The following PFKFB3 variants were observed in gnomAD, a reference collection of about 807,000 sequenced individuals.
PFKFB3 encodes 6-phosphofructo-2-kinase/fructose-2,6-biphosphatase 3.
In PFKFB3, 33 loss-of-function variants were observed where a neutral mutation model predicts 68.0. The ratio of observed to expected loss-of-function variants is 0.49; its 90% CI spans 0.37 to 0.65. PFKFB3 has a LOEUF of 0.65. PFKFB3 is among the 30% of genes least tolerant of loss of function. The pLI is 0.00. For missense variants in PFKFB3, 586 were observed against 712.2 expected, an observed-to-expected ratio of 0.82 and a Z score of 2.02; for synonymous variants, 315 against 288.2, an observed-to-expected ratio of 1.09 and a Z score of -0.94.
chr10:6,298,359 A>G, the PFKFB3 span, among the ~76,000 whole-genome samples: 2 of 136,710 alleles, frequency 1.5e-5, no homozygotes, highest in Non-Finnish European at 3.1e-5. Context: ...CACTTATTCT[A>G]TGGTTCAGGG....
intron 1 of PFKFB3, among the ~76,000 whole-genome samples, chr10:6,185,064 C>G (rs955096862): frequency 3.9e-5 from 6 of 152,186 alleles, no homozygotes; most frequent in African/African-American, 1.4e-4. Flanking sequence ...CACAAAAACC[C>G]TGATTTAAAT....
chr10:6,233,096 C>T lies in PFKFB3; in HGVS notation c.*154C>T, dbSNP rs978619409. 3.7e-5 allele frequency: 24 copies of T among 651,016 alleles called. No individual in the cohort carries two copies. The highest frequency in any genetic ancestry group is 2.2e-4 in the East Asian group (8 of 37,056). 40.3% of individuals were successfully genotyped at this position (651,016 alleles called of 1,614,324 possible). Reference sequence around the variant, plus strand: ...GGCCGAAGAGAACCATGCTTGGCACCGTCTGTGTCCCCTCGGCCGCTGGAC... The same window carrying T: ...GGCCGAAGAGAACCATGCTTGGCACTGTCTGTGTCCCCTCGGCCGCTGGAC... On this transcript the variant is annotated 3_prime_UTR_variant, in exon 15 of 15. Coordinates refer to ENST00000379775, the MANE Select transcript of PFKFB3 (RefSeq NM_004566.4).
At chr10:6,171,449 G>A (rs1284441875) in intron 1 of PFKFB3, among the ~76,000 whole-genome samples, 1 of 148,078 alleles carries the variant, frequency 6.8e-6, no homozygotes, top group Non-Finnish European at 1.5e-5. Flanking sequence ...GGGTTGAAGT[G>A]CAGTGGCGCG....
chr10:6,303,796 T>C, the PFKFB3 span, among the ~76,000 whole-genome samples: 3 of 86,754 alleles, frequency 3.5e-5, no homozygotes, highest in Non-Finnish European at 2.6e-5. Flanking sequence ...TGAGAGTCCA[T>C]CTAAAAAAAA....
At chr10:6,246,407 C>T (rs187287464) in intron 14 of PFKFB3, among the ~76,000 whole-genome samples, 1 of 151,278 alleles carries the variant, frequency 6.6e-6, no homozygotes, top group East Asian at 1.9e-4. Context: ...GGCACGATCT[C>T]GGCTCACTGC....
intron 1 of PFKFB3, among the ~76,000 whole-genome samples, chr10:6,161,719 A>G (rs1841982299): frequency 6.6e-6 from 1 of 151,882 alleles, no homozygotes; most frequent in African/African-American, 2.4e-5. Flanking sequence ...TGTTGTCTAG[A>G]ATTCCTGGGC....
At chr10:6,176,473 T>A (rs1327478897) in intron 1 of PFKFB3, among the ~76,000 whole-genome samples, 1 of 152,184 alleles carries the variant, frequency 6.6e-6, no homozygotes, top group African/African-American at 2.4e-5. Context: ...AGTGGGCCCA[T>A]CATCGCTCAC....
intron 4 of PFKFB3, 66 bp from the exon 5 acceptor site, chr10:6,216,640 G>T: frequency 9.0e-7 from 1 of 1,117,262 alleles, no homozygotes. Context: ...CATCTTTGCT[G>T]TTCTGGTAAA....
chr10:6,215,266 G>GCTCCTACAA lies in PFKFB3; in HGVS notation c.251_259dup (p.Ser84_Asn86dup). ...CGCCGGGAGGCTGTGAAGCAGTACA[G>GCTCCTACAA]CTCCTACAACTTCTTCCGCCCCGAC... is the stretch of plus-strand genomic sequence containing the variant. On this transcript the variant is annotated inframe_insertion, in exon 3 of 15. Coordinates refer to ENST00000379775, the MANE Select transcript of PFKFB3 (RefSeq NM_004566.4). The surrounding 1 kb of genome is among the most constrained non-coding windows in gnomAD (Gnocchi z 4.3). The GCTCCTACAA allele has an allele frequency of 6.2e-7, 1 of 1,614,058 alleles. No homozygotes were observed. Among genetic ancestry groups the GCTCCTACAA allele is most frequent in the Non-Finnish European group, 8.5e-7 (1 of 1,180,018 alleles).
the PFKFB3 span, among the ~76,000 whole-genome samples, chr10:6,300,288 A>G: frequency 6.6e-6 from 1 of 152,126 alleles, no homozygotes. Flanking sequence ...GAACTCTTCA[A>G]AGTGAGACTG....
At chr10:6,223,606 C>A (rs1359075253) in intron 11 of PFKFB3, among the ~76,000 whole-genome samples, 1 of 152,110 alleles carries the variant, frequency 6.6e-6, no homozygotes, top group African/African-American at 2.4e-5. Flanking sequence ...TCTTTCCATG[C>A]CTCCCCCACC....
At chr10:6,309,443 G>C in the PFKFB3 span, among the ~76,000 whole-genome samples, 1 of 152,146 alleles carries the variant, frequency 6.6e-6, no homozygotes, top group African/African-American at 2.4e-5. Flanking sequence ...GCAACATGGC[G>C]AAACCCCGGC....
Position 6,224,172 on chromosome 10 carries a change from C to A in PFKFB3, c.1300C>A (p.Leu434Met). The A allele has an allele frequency of 6.2e-7, 1 of 1,614,220 alleles. No individual in the cohort carries two copies. The highest frequency in any genetic ancestry group is 8.5e-7 in the Non-Finnish European group (1 of 1,180,038). Reference sequence around the variant, plus strand: ...AGGCTGCCGTGTGGAATCCATCTACCTGAACGTGGAGTCCGTCTGCACACA... The same window carrying A: ...AGGCTGCCGTGTGGAATCCATCTACATGAACGTGGAGTCCGTCTGCACACA... The part of the protein sequence containing the change: ...AYGCRVESIY[L>M]NVESVCTHRE... The change falls in exon 13 of 15, where the codon CTG becomes ATG. Residue 434 changes from leucine to methionine, a missense_variant. Coordinates refer to ENST00000379775, the MANE Select transcript of PFKFB3 (RefSeq NM_004566.4).
At chr10:6,268,056 C>A in the PFKFB3 span, among the ~76,000 whole-genome samples, 58 of 151,800 alleles carry the variant, frequency 3.8e-4, no homozygotes, top group African/African-American at 9.7e-4. Flanking sequence ...CCCTGTGCGA[C>A]GGAGCAGTTC....
chr10:6,302,399 TGAGACGGA>T, the PFKFB3 span, among the ~76,000 whole-genome samples: 2 of 68,884 alleles, frequency 2.9e-5, no homozygotes, highest in African/African-American at 9.2e-5. Context: ...TTTTTTTTTT[TGAGACGGA>T]GTCTTGTTCT....
intron 1 of PFKFB3, among the ~76,000 whole-genome samples, chr10:6,164,188 G>A (rs1025937228): frequency 1.3e-5 from 2 of 151,938 alleles, no homozygotes; most frequent in Middle Eastern, 3.4e-3. Flanking sequence ...CACCCCGCGC[G>A]TGGATGCGGG....
chr10:6,146,127 G>A, intron 1 of PFKFB3: 1 of 642,824 alleles, frequency 1.6e-6, no homozygotes, highest in Non-Finnish European at 1.9e-6. Context: ...AGGACGTTGA[G>A]GACTGGGGGT....
the PFKFB3 span, among the ~76,000 whole-genome samples, chr10:6,267,106 G>A: frequency 5.3e-4 from 80 of 152,212 alleles, no homozygotes; most frequent in Middle Eastern, 6.8e-3. Context: ...TCTACAGTTC[G>A]TCCTTATATT....
chr10:6,244,254 T>C lies in PFKFB3; in HGVS notation c.1516-9924T>C, dbSNP rs139832011. On this transcript the variant is annotated intron_variant, in intron 14 of 14. Transcript: ENST00000640683. ...TGAAGAGCAGACATCAACTCGCTTG[T>C]TAGGGCTGAGAATGTACCACACACA... Among the ~76,000 whole-genome samples the C allele has an allele frequency of 7.9e-5, 12 of 152,294 alleles. No individual in the cohort carries two copies. In the East Asian group the frequency reaches 2.3e-3, roughly 29 times the overall value.
Sources: gnomAD v4.1 joint callset for allele counts (sites outside exome capture counted in the v4.1 genomes callset) on GRCh38, gnomAD v4.1.1 for gene constraint, Gnocchi (gnomAD v3.1) non-coding constraint, MANE v1.5 for transcripts, NCBI Gene and HGNC (gene_info 2026-07-23, HGNC 2026-07-21) for gene names.